The following PARD3 variants were observed in gnomAD, a reference collection of about 807,000 sequenced individuals.
PARD3 encodes the protein partitioning defective 3 homolog.
PARD3 carries 75 observed loss-of-function variants against 155.4 expected under a neutral mutation model. The observed-to-expected ratio is 0.48, with a 90% CI of 0.40 to 0.58. PARD3 has a LOEUF of 0.58. Among genes scored for constraint, PARD3 ranks in the 20% least tolerant of loss-of-function variants. The pLI, the probability that PARD3 is intolerant of heterozygous loss-of-function variation, is 0.00. For missense variants in PARD3, 1,642 were observed against 1,721.7 expected (o/e 0.95, Z 0.82); for synonymous variants, 576 against 610.5 (o/e 0.94, Z 0.83).
intron 20 of PARD3, among the ~76,000 whole-genome samples, chr10:34,298,567 G>T (rs1210897581): frequency 1.3e-5 from 2 of 152,174 alleles, no homozygotes; most frequent in Non-Finnish European, 2.9e-5. Flanking sequence ...AGAAAGTAAA[G>T]TGGTGGTTTC....
intron 1 of PARD3, among the ~76,000 whole-genome samples, chr10:34,747,249 A>C (rs1216719878): frequency 1.3e-5 from 2 of 152,032 alleles, no homozygotes; most frequent in African/African-American, 2.4e-5. Flanking sequence ...ATATCATTTG[A>C]GCCACGATTC....
At chr10:34,407,413 G>A (rs1844602353) in intron 5 of PARD3, among the ~76,000 whole-genome samples, 1 of 152,192 alleles carries the variant, frequency 6.6e-6, no homozygotes, top group Non-Finnish European at 1.5e-5. Flanking sequence ...CTAGCAGACA[G>A]CGCAGGCGTG....
intron 2 of PARD3, among the ~76,000 whole-genome samples, chr10:34,602,617 A>C (rs2089889153): frequency 6.6e-6 from 1 of 152,220 alleles, no homozygotes; most frequent in Non-Finnish European, 1.5e-5. Flanking sequence ...TGTTACACTC[A>C]ACAACACAGA....
At chr10:34,413,162 C>CAT (rs1845284049) in intron 5 of PARD3, among the ~76,000 whole-genome samples, 1 of 151,584 alleles carries the variant, frequency 6.6e-6, no homozygotes, top group Non-Finnish European at 1.5e-5. Context: ...CACACACACA[C>CAT]ACACACACAC....
chr10:34,257,957 A>G (rs1954746031), intron 22 of PARD3, among the ~76,000 whole-genome samples: 1 of 152,184 alleles, frequency 6.6e-6, no homozygotes, highest in Non-Finnish European at 1.5e-5. Context: ...GCTTGTTTTT[A>G]ACTCACCAAA....
chr10:34,703,836 C>T (rs1276990279), intron 1 of PARD3, among the ~76,000 whole-genome samples: 1 of 152,170 alleles, frequency 6.6e-6, no homozygotes, highest in Non-Finnish European at 1.5e-5. Context: ...AAAACTCCTA[C>T]AAGAAATAGT....
intron 2 of PARD3, among the ~76,000 whole-genome samples, chr10:34,625,734 G>C (rs1369822547): frequency 6.6e-6 from 1 of 152,062 alleles, no homozygotes; most frequent in Non-Finnish European, 1.5e-5. Flanking sequence ...CTAACATGGA[G>C]AAACCCTGTC....
At chr10:34,360,342 TTC>T in intron 12 of PARD3, 83 bp from the exon 13 acceptor site, 3 of 995,218 alleles carry the variant, frequency 3.0e-6, no homozygotes, top group Non-Finnish European at 4.6e-6. Flanking sequence ...TAATGAGCAG[TTC>T]CTTAATCATA....
At chr10:34,480,134 T>C (rs747728594) in intron 3 of PARD3, among the ~76,000 whole-genome samples, 11 of 152,220 alleles carry the variant, frequency 7.2e-5, no homozygotes, top group African/African-American at 1.2e-4. Context: ...CCTCTTGGCA[T>C]ATGGAGCAGA....
intron 24 of PARD3, among the ~76,000 whole-genome samples, chr10:34,117,181 C>T (rs934312350): frequency 2.0e-5 from 3 of 152,214 alleles, no homozygotes; most frequent in African/African-American, 7.2e-5. Flanking sequence ...CATCACTGCT[C>T]TCATTATACA....
chr10:34,489,212 C>A (rs1408747844), intron 3 of PARD3, among the ~76,000 whole-genome samples: 1 of 152,100 alleles, frequency 6.6e-6, no homozygotes, highest in East Asian at 1.9e-4. Flanking sequence ...GTGGTGCATG[C>A]CTGTAGTCTC....
chr10:34,229,796 A>T (rs749672785), intron 22 of PARD3, among the ~76,000 whole-genome samples: 1 of 152,022 alleles, frequency 6.6e-6, no homozygotes, highest in Non-Finnish European at 1.5e-5. Context: ...GCAATGAATG[A>T]ACAAGCAAAC....
At chr10:34,751,561 T>A (rs927414297) in intron 1 of PARD3, among the ~76,000 whole-genome samples, 2 of 152,148 alleles carry the variant, frequency 1.3e-5, no homozygotes, top group African/African-American at 4.8e-5. Flanking sequence ...CTGGGGGTAG[T>A]GCAGAGACAC....
chr10:34,797,392 T>C (rs1209412394), intron 1 of PARD3, among the ~76,000 whole-genome samples: 1 of 152,094 alleles, frequency 6.6e-6, no homozygotes, highest in Non-Finnish European at 1.5e-5. Context: ...CCTCAAGCAA[T>C]CCTCCCACTT....
intron 5 of PARD3, among the ~76,000 whole-genome samples, chr10:34,425,527 C>G (rs115981046): frequency 0.01 from 1,533 of 152,262 alleles, 24 homozygotes; most frequent in African/African-American, 0.034. Context: ...TTCCTAGCAG[C>G]TGGGACTACA....
chr10:34,703,315 G>C (rs928332653), intron 1 of PARD3, among the ~76,000 whole-genome samples: 1 of 152,050 alleles, frequency 6.6e-6, no homozygotes, highest in Non-Finnish European at 1.5e-5. Context: ...CTTGAGCCCA[G>C]GAGTTCAAGG....
chr10:34,623,890 A>T (rs1024553664), intron 2 of PARD3, among the ~76,000 whole-genome samples: 3 of 152,012 alleles, frequency 2.0e-5, no homozygotes, highest in Non-Finnish European at 2.9e-5. Context: ...CTGAGGCAGG[A>T]GAATCACTTG....
chr10:34,368,797 C>T (rs557414700), intron 12 of PARD3, among the ~76,000 whole-genome samples: 26 of 140,984 alleles, frequency 1.8e-4, no homozygotes, highest in African/African-American at 5.9e-4. Context: ...TGGTACTAAA[C>T]GCGTGTTCTA....
intron 22 of PARD3, among the ~76,000 whole-genome samples, chr10:34,147,396 T>C (rs540325907): frequency 2.6e-5 from 4 of 152,014 alleles, no homozygotes; most frequent in Non-Finnish European, 5.9e-5. Flanking sequence ...ATCTTTACTA[T>C]TGTGGCAGAG....
Sources: gnomAD v4.1 joint callset for allele counts (sites outside exome capture counted in the v4.1 genomes callset) on GRCh38, gnomAD v4.1.1 for gene constraint, MANE v1.5 for transcripts, NCBI Gene and HGNC (gene_info 2026-07-23, HGNC 2026-07-21) for gene names.